Variants in CNGB1 observed in about 807,000 individuals in gnomAD.
The protein encoded by CNGB1 is cyclic nucleotide-gated channel beta-1.
A neutral mutation model predicts 151.7 loss-of-function variants in CNGB1; 126 were observed. The observed-to-expected ratio is 0.83, with a 90% CI of 0.72 to 0.96. The LOEUF (loss-of-function observed/expected upper bound fraction) is 0.96. Among genes scored for constraint, CNGB1 ranks in the 40% least tolerant of loss-of-function variants. CNGB1 has a pLI of 0.00. For missense variants in CNGB1, 1,698 were observed against 1,627.0 expected (o/e 1.04, Z -0.75); for synonymous variants, 623 against 635.1 (o/e 0.98, Z 0.29).
rs1445275255 is a variant in CNGB1 at position 57,960,515 on chromosome 16, G to A, written c.550C>T (p.Pro184Ser). The change falls in exon 9 of 33, where the codon CCT becomes TCT. Residue 184 changes from proline (P) to serine (S), a missense_variant. Physicochemically the swap from Pro to Ser is moderately conservative, Grantham distance 74. Transcript: ENST00000251102. ...PKSSEVWRDE[P>S]AVATGAASDP... is the part of the protein sequence containing the mutation. Reference sequence around the variant, plus strand: ...GAGGCAGCACCTGTAGCAACTGCAGGCTCATCTCTCCAGACCTGGGTGACA... The same window carrying A: ...GAGGCAGCACCTGTAGCAACTGCAGACTCATCTCTCCAGACCTGGGTGACA... The A allele has an allele frequency of 6.2e-7, 1 of 1,613,758 alleles. No individual in the cohort carries two copies. Among genetic ancestry groups the A allele is most frequent in the African/African-American group, 1.3e-5 (1 of 75,052 alleles).
In CNGB1 at chr16:57,897,301, C is replaced by CAA. The variant is rs397944283; in HGVS notation, c.3242+94_3242+95dup. 4.3e-3 allele frequency: 4,537 copies of CAA among 1,048,440 alleles called. 6 individuals are homozygous for CAA. Among genetic ancestry groups the CAA allele is most frequent in the South Asian group, 0.019 (1,242 of 66,594 alleles). 64.9% of individuals were successfully genotyped at this position (1,048,440 alleles called of 1,614,324 possible). A position where few individuals can be genotyped will look rare whatever the true frequency, so the allele number is the denominator to read the frequency against. ...TGGGTGACAGAGCAAGATGTCATCT[C>CAA]AAAAAAAAAAAAAAAAAGATAAAGG... On this transcript the variant is annotated intron_variant, in intron 31 of 32. Transcript: ENST00000251102.
At chr16:57,896,232 C>T (rs1329355783) in intron 31 of CNGB1, among the ~76,000 whole-genome samples, 1 of 152,160 alleles carries the variant, frequency 6.6e-6, no homozygotes, top group African/African-American at 2.4e-5. Flanking sequence ...GTTTACAATA[C>T]AGAAACCTTA....
chr16:57,958,280 G>A, intron 11 of CNGB1, 130 bp downstream of exon 11: 2 of 503,976 alleles, frequency 4.0e-6, no homozygotes, highest in South Asian at 2.4e-5. Flanking sequence ...GAATGAACGT[G>A]GGCCATGCAG....
intron 14 of CNGB1, among the ~76,000 whole-genome samples, chr16:57,942,862 C>CAA (rs77562880): frequency 3.6e-4 from 38 of 105,916 alleles, no homozygotes; most frequent in African/African-American, 1.0e-3. Context: ...GACCCTGTCT[C>CAA]AAAAAAAAAA....
In CNGB1 at chr16:57,921,689, A is replaced by G. The variant is rs548483367; in HGVS notation, c.1644-1145T>C. 9.8e-5 allele frequency among the ~76,000 whole-genome samples: 15 copies of G among 152,286 alleles called. No individual in the cohort carries two copies. In the South Asian group the frequency reaches 3.1e-3, roughly 32 times the overall value. On this transcript the variant is annotated intron_variant, in intron 18 of 32. Transcript: ENST00000251102. ...GAATGTGAGCTCTCAGACACAATAC[A>G]TGCAACTAGGGGCCTCCTTACTGAA... is the stretch of plus-strand genomic sequence containing the variant.
Position 57,967,779 on chromosome 16 carries a change from G to A in CNGB1, c.-8-485C>T, listed in dbSNP as rs147779528. Among the ~76,000 whole-genome samples the A allele has an allele frequency of 5.3e-3, 803 of 151,824 alleles. 3 individuals are homozygous for A. Among genetic ancestry groups the A allele is most frequent in the Non-Finnish European group, 8.3e-3 (567 of 67,920 alleles). On this transcript the variant is annotated intron_variant, in intron 1 of 32. Transcript: ENST00000251102. Reference sequence around the variant, plus strand: ...ATATTACATATATACACACAGATATGTGTGTGTGTATATATTTCTGCAATT... The same window carrying A: ...ATATTACATATATACACACAGATATATGTGTGTGTATATATTTCTGCAATT...
intron 31 of CNGB1, among the ~76,000 whole-genome samples, chr16:57,890,775 G>A (rs1289816499): frequency 2.0e-5 from 3 of 152,190 alleles, no homozygotes; most frequent in African/African-American, 4.8e-5. Context: ...AGATGTCCCC[G>A]GGACTATGGT....
intron 29 of CNGB1, among the ~76,000 whole-genome samples, chr16:57,898,800 C>A (rs1334637615): frequency 6.6e-6 from 1 of 152,174 alleles, no homozygotes; most frequent in African/African-American, 2.4e-5. Flanking sequence ...GGGATCTGAA[C>A]CCAGACAGTC....
chr16:57,940,686 G>C (rs1961646208), intron 14 of CNGB1, among the ~76,000 whole-genome samples: 1 of 152,190 alleles, frequency 6.6e-6, no homozygotes, highest in Non-Finnish European at 1.5e-5. Flanking sequence ...AGGACGGTTG[G>C]AGGAGCTGTC....
At chr16:57,955,475 C>CAT in intron 12 of CNGB1, 1 of 935,960 alleles carries the variant, frequency 1.1e-6, no homozygotes, top group Non-Finnish European at 1.7e-6. Flanking sequence ...GTAAGGGACA[C>CAT]ATATCCCCCA....
intron 19 of CNGB1, among the ~76,000 whole-genome samples, chr16:57,919,929 G>A (rs531416384): frequency 1.2e-4 from 18 of 152,160 alleles, no homozygotes; most frequent in Admixed American, 7.2e-4. Flanking sequence ...CCTGACAAGA[G>A]ATCATGTGTC....
At chr16:57,964,687 G>A in intron 2 of CNGB1, 143 bp from the exon 3 acceptor site, 1 of 875,804 alleles carries the variant, frequency 1.1e-6, no homozygotes, top group Non-Finnish European at 1.8e-6. Context: ...TGTAAATCCT[G>A]TTGGCCTTAC....
chr16:57,904,597 G>A (rs1360754658), intron 26 of CNGB1, 137 bp downstream of exon 26: 17 of 1,227,890 alleles, frequency 1.4e-5, no homozygotes, highest in Admixed American at 1.7e-5. Context: ...CAGTGCTCCA[G>A]GCTCCTGACT....
In CNGB1 at chr16:57,920,693, C is replaced by T. The variant is rs545546824; in HGVS notation, c.1644-149G>A. 151 of 898,878 alleles carry T rather than the reference C, an allele frequency of 1.7e-4. 1 individual carries two copies. In the African/African-American group the frequency reaches 2.3e-3, roughly 14 times the overall value. The allele number at this position is 898,878 out of a possible 1,614,324, so 55.7% of individuals were successfully genotyped here. ...CCCATCTCCTTCTGACATCAGAAACCACAGACCTACCGTAATCACCTAGAA... is the reference window on the plus strand; with the variant it reads ...CCCATCTCCTTCTGACATCAGAAACTACAGACCTACCGTAATCACCTAGAA... On this transcript the variant is annotated intron_variant, in intron 18 of 32. Coordinates refer to ENST00000251102, the MANE Select transcript of CNGB1 (RefSeq NM_001297.5).
At chr16:57,948,119 A>T (rs1161707594) in intron 14 of CNGB1, among the ~76,000 whole-genome samples, 2 of 152,098 alleles carry the variant, frequency 1.3e-5, no homozygotes, top group South Asian at 2.1e-4. Context: ...GAGCAAGGAG[A>T]GAGTAACTTA....
At chr16:57,929,396 G>A (rs1961279404) in intron 17 of CNGB1, among the ~76,000 whole-genome samples, 1 of 147,622 alleles carries the variant, frequency 6.8e-6, no homozygotes, top group Non-Finnish European at 1.5e-5. Flanking sequence ...AATCATGGAG[G>A]AAAGCAAAGG....
At chr16:57,933,229 G>T (rs954417594) in intron 16 of CNGB1, among the ~76,000 whole-genome samples, 1 of 152,148 alleles carries the variant, frequency 6.6e-6, no homozygotes, top group Non-Finnish European at 1.5e-5. Context: ...GGCCCGGCTG[G>T]CCTCACATTC....
intron 16 of CNGB1, among the ~76,000 whole-genome samples, chr16:57,936,220 T>A (rs1297297829): frequency 1.3e-5 from 2 of 152,114 alleles, no homozygotes; most frequent in Admixed American, 1.3e-4. Flanking sequence ...CACCCTAGCC[T>A]CTGAGGATGA....
Position 57,888,000 on chromosome 16 carries a change from G to A in CNGB1, c.3317C>T (p.Pro1106Leu). 1.2e-6 allele frequency: 2 copies of A among 1,614,150 alleles called. No homozygotes were observed. The highest frequency in any genetic ancestry group is 1.7e-6 in the Non-Finnish European group (2 of 1,180,044). Residue 1106 changes from proline to leucine, a missense_variant, in exon 32 of 33, where the codon CCA (proline) becomes CTA (leucine). Pro to Leu is a moderately conservative substitution (Grantham distance 98). Transcript: ENST00000251102. Reference sequence around the variant, plus strand: ...AGCGAGGGCAGCGTTGAAGAGCTTTGGGGTGCCCGCCCGGGGTGGAAGGAT... The same window carrying A: ...AGCGAGGGCAGCGTTGAAGAGCTTTAGGGTGCCCGCCCGGGGTGGAAGGAT... ...VLILPPRAGT[P>L]KLFNAALAMT... is the part of the protein sequence containing the mutation.
Sources: allele counts gnomAD v4.1 joint callset (sites outside exome capture counted in the v4.1 genomes callset), GRCh38; gene constraint gnomAD v4.1.1; transcripts MANE v1.5; gene names NCBI Gene and HGNC (gene_info 2026-07-23, HGNC 2026-07-21).